Variants in CEP112 observed in about 807,000 individuals in gnomAD.
The protein encoded by CEP112 is centrosomal protein 112, also known as centrosomal protein of 112 kDa.
Under a neutral mutation model 153.0 loss-of-function variants are expected in CEP112, and 127 were observed. The observed-to-expected ratio is 0.83, with a 90% CI of 0.72 to 0.96. The LOEUF (loss-of-function observed/expected upper bound fraction) is 0.96. Among genes scored for constraint, CEP112 ranks in the 40% least tolerant of loss-of-function variants. The probability of loss-of-function intolerance (pLI) is 0.00; values close to 1 mark genes in which losing one functional copy is unlikely to be tolerated. For missense variants in CEP112, 1,089 were observed against 1,101.2 expected (o/e 0.99, Z 0.16); for synonymous variants, 358 against 374.4 (o/e 0.96, Z 0.51).
intron 21 of CEP112, among the ~76,000 whole-genome samples, chr17:65,841,907 T>C (rs72831449): frequency 0.02 from 1,494 of 74,370 alleles, 16 homozygotes; most frequent in Middle Eastern, 0.06. Context: ...TGTACACACA[T>C]ACACACACAC....
intron 4 of CEP112, among the ~76,000 whole-genome samples, chr17:66,144,647 C>T (rs1391351663): frequency 6.6e-6 from 1 of 152,092 alleles, no homozygotes; most frequent in Non-Finnish European, 1.5e-5. Context: ...GAGCTGAAAT[C>T]GCACCACTGC....
rs117972893 is a variant in CEP112 at position 65,635,755 on chromosome 17, C to T, written c.*216G>A. ...CTCAAATGCACACAAACATGAAAAT[C>T]GGAAATAAAGGAATGTTAAAAAAAT... On this transcript the variant is annotated 3_prime_UTR_variant, in exon 27 of 27. Coordinates refer to ENST00000535342, the MANE Select transcript of CEP112 (RefSeq NM_001199165.4). 1.4e-3 allele frequency: 798 copies of T among 569,080 alleles called. No homozygotes were observed. The highest frequency in any genetic ancestry group is 1.9e-3 in the Non-Finnish European group (621 of 325,642). The allele number at this position is 569,080 out of a possible 1,614,324, so 35.3% of individuals were successfully genotyped here.
At chr17:66,123,934 G>A (rs2069719175) in intron 6 of CEP112, among the ~76,000 whole-genome samples, 1 of 152,032 alleles carries the variant, frequency 6.6e-6, no homozygotes, top group South Asian at 2.1e-4. Flanking sequence ...TCTGAAAAAT[G>A]GCGATGCTTG....
chr17:66,141,408 T>TTTA (rs1568540302), intron 4 of CEP112, among the ~76,000 whole-genome samples: 1 of 151,414 alleles, frequency 6.6e-6, no homozygotes, highest in African/African-American at 2.4e-5. Flanking sequence ...AGTTTTTTTC[T>TTTA]TTTATTGTGG....
At chr17:66,032,709 A>T (rs1325902355) in intron 12 of CEP112, among the ~76,000 whole-genome samples, 3 of 152,246 alleles carry the variant, frequency 2.0e-5, no homozygotes, top group African/African-American at 7.2e-5. Flanking sequence ...ATCACAAAAT[A>T]ACAGGCATAC....
chr17:66,119,078 C>A (rs1035112022), intron 6 of CEP112, among the ~76,000 whole-genome samples: 3 of 152,094 alleles, frequency 2.0e-5, no homozygotes, highest in Non-Finnish European at 4.4e-5. Flanking sequence ...TGATCCTCAG[C>A]AAACTAATGC....
At chr17:65,852,898 C>G (rs904099446) in intron 20 of CEP112, among the ~76,000 whole-genome samples, 2 of 152,086 alleles carry the variant, frequency 1.3e-5, no homozygotes, top group Non-Finnish European at 2.9e-5. Flanking sequence ...TGTAAGACTA[C>G]AAATGTCTCT....
intron 17 of CEP112, among the ~76,000 whole-genome samples, chr17:66,000,527 T>G (rs11649817): frequency 0.41 from 61,573 of 150,612 alleles, 14,032 homozygotes; most frequent in East Asian, 0.87. Context: ...TTTGCATTAC[T>G]TAAGTCTTTC....
intron 21 of CEP112, among the ~76,000 whole-genome samples, chr17:65,762,344 G>T (rs1488014937): frequency 2.6e-5 from 4 of 151,766 alleles, no homozygotes; most frequent in Admixed American, 2.6e-4. Flanking sequence ...AGGTTTCTTG[G>T]AGACAATATA....
At chr17:66,071,520 C>T (rs1013199318) in intron 8 of CEP112, among the ~76,000 whole-genome samples, 1 of 152,100 alleles carries the variant, frequency 6.6e-6, no homozygotes, top group African/African-American at 2.4e-5. Flanking sequence ...ATACCCTCAG[C>T]TTTTGAGGGT....
rs547921384 is a variant in CEP112 at position 66,013,315 on chromosome 17, G to A, written c.1657-7546C>T. Among the ~76,000 whole-genome samples the A allele has an allele frequency of 9.2e-5, 14 of 152,302 alleles. No homozygotes were observed. In the South Asian group the frequency reaches 2.9e-3, roughly 32 times the overall value. Reference sequence around the variant, plus strand: ...GGCTTTTTGAGTTGCCAGAGTTCTTGCTCTGGTTCTTTCTCATCTGTGTGG... The same window carrying A: ...GGCTTTTTGAGTTGCCAGAGTTCTTACTCTGGTTCTTTCTCATCTGTGTGG... On this transcript the variant is annotated intron_variant, in intron 16 of 26. Coordinates refer to ENST00000535342, the MANE Select transcript of CEP112 (RefSeq NM_001199165.4).
intron 4 of CEP112, among the ~76,000 whole-genome samples, chr17:66,148,281 C>T (rs1471644670): frequency 6.6e-6 from 1 of 152,114 alleles, no homozygotes; most frequent in Non-Finnish European, 1.5e-5. Context: ...AATTATCTCC[C>T]ACTGAGGCCC....
At chr17:65,961,269 T>C (rs956058375) in intron 18 of CEP112, among the ~76,000 whole-genome samples, 194 bp downstream of exon 18, 5 of 152,244 alleles carry the variant, frequency 3.3e-5, no homozygotes, top group Non-Finnish European at 7.3e-5. Context: ...TTTTAAATGA[T>C]CATTCTGGCA....
intron 21 of CEP112, chr17:65,826,481 G>T: frequency 6.9e-7 from 1 of 1,458,752 alleles, no homozygotes; most frequent in Non-Finnish European, 9.0e-7. Context: ...TCTTAGGTGG[G>T]GGTGAGGTGA....
intron 16 of CEP112, among the ~76,000 whole-genome samples, chr17:66,026,297 C>A (rs935550980): frequency 6.6e-6 from 1 of 152,138 alleles, no homozygotes; most frequent in Non-Finnish European, 1.5e-5. Flanking sequence ...AAAAATAAAT[C>A]TATAAAACTC....
chr17:65,959,606 G>A (rs1358686217), intron 18 of CEP112, among the ~76,000 whole-genome samples: 2 of 152,322 alleles, frequency 1.3e-5, no homozygotes, highest in East Asian at 3.9e-4. Context: ...GGTTCGTGTG[G>A]TTCTTGGCTC....
chr17:65,925,504 A>G (rs185630230), intron 19 of CEP112, among the ~76,000 whole-genome samples: 114 of 152,368 alleles, frequency 7.5e-4, no homozygotes, highest in African/African-American at 2.7e-3. Context: ...TTTGTCTGCT[A>G]AGACTACATT....
intron 21 of CEP112, among the ~76,000 whole-genome samples, chr17:65,771,182 A>G (rs1291337386): frequency 6.6e-6 from 1 of 152,140 alleles, no homozygotes; most frequent in Non-Finnish European, 1.5e-5. Context: ...AAGGATGACA[A>G]AAGATGTACC....
chr17:65,880,738 C>T (rs979261442), intron 20 of CEP112, among the ~76,000 whole-genome samples: 1 of 152,180 alleles, frequency 6.6e-6, no homozygotes, highest in Non-Finnish European at 1.5e-5. Flanking sequence ...CTAGCTCACA[C>T]CTCTGACCAG....
Sources: gnomAD v4.1 joint callset for allele counts (sites outside exome capture counted in the v4.1 genomes callset) on GRCh38, gnomAD v4.1.1 for gene constraint, MANE v1.5 for transcripts, NCBI Gene and HGNC (gene_info 2026-07-23, HGNC 2026-07-21) for gene names.